Variants in LPCAT2 observed in about 807,000 individuals in gnomAD.
LPCAT2 encodes lysophosphatidylcholine acyltransferase 2.
Under a neutral mutation model 64.7 loss-of-function variants are expected in LPCAT2, and 58 were observed. The observed-to-expected ratio is 0.90, with a 90% CI of 0.73 to 1.12. The LOEUF (loss-of-function observed/expected upper bound fraction) is 1.12. Ranked by LOEUF, LPCAT2 falls within the 50% of genes most tolerant of loss-of-function variation. LPCAT2 has a pLI of 0.00. For synonymous variants in LPCAT2, 252 were observed against 245.3 expected (o/e 1.03, Z -0.26); for missense variants, 579 against 669.8 (o/e 0.86, Z 1.50).
chr16:55,524,168 A>G (rs1188093066), intron 1 of LPCAT2, among the ~76,000 whole-genome samples: 1 of 151,900 alleles, frequency 6.6e-6, no homozygotes, highest in East Asian at 1.9e-4. Flanking sequence ...CCACAATTGG[A>G]AACAACCCAA....
At chr16:55,556,743 G>A (rs1211420449) in intron 11 of LPCAT2, among the ~76,000 whole-genome samples, 3 of 151,930 alleles carry the variant, frequency 2.0e-5, no homozygotes, top group Admixed American at 1.3e-4. Context: ...GCGAGACTCC[G>A]TCTCAAAAAA....
chr16:55,567,826 A>G (rs1963724078), intron 11 of LPCAT2: 1 of 210,184 alleles, frequency 4.8e-6, no homozygotes, highest in Non-Finnish European at 9.6e-6. Context: ...ATAAATTCCA[A>G]GGAGTAGGAA....
At chr16:55,578,928 G>A in intron 12 of LPCAT2, 181 bp from the exon 13 acceptor site, 2 of 611,210 alleles carry the variant, frequency 3.3e-6, no homozygotes, top group East Asian at 2.8e-5. Context: ...TTTTAATCCT[G>A]TCTCTCTCAA....
intron 7 of LPCAT2, among the ~76,000 whole-genome samples, chr16:55,536,741 T>C (rs1224141344): frequency 6.6e-6 from 1 of 152,206 alleles, no homozygotes; most frequent in Non-Finnish European, 1.5e-5. Flanking sequence ...TCTGGGTCAA[T>C]TGTCTAATGA....
At chr16:55,532,615 A>G (rs1963268444) in intron 5 of LPCAT2, 1 of 333,692 alleles carries the variant, frequency 3.0e-6, no homozygotes, top group Non-Finnish European at 5.6e-6. Flanking sequence ...TAGGCACAGC[A>G]TTTAATATTT....
intron 8 of LPCAT2, among the ~76,000 whole-genome samples, chr16:55,544,373 A>G (rs1478274359): frequency 6.6e-6 from 1 of 152,216 alleles, no homozygotes; most frequent in Admixed American, 6.5e-5. Flanking sequence ...CACACAGTAG[A>G]TGTTTAATGG....
At position 55,532,435 on chromosome 16, in the gene LPCAT2, A is replaced by G. The variant is rs140746041; in HGVS notation, c.704-389A>G. The G allele has an allele frequency of 3.7e-5, 6 of 163,958 alleles. No homozygotes were observed. The East Asian group carries it at 1.1e-3, about 29-fold the overall frequency. The allele number at this position is 163,958 out of a possible 1,614,324, so 10.2% of individuals were successfully genotyped here. On this transcript the variant is annotated intron_variant, in intron 5 of 13. Transcript: ENST00000262134. ...AGCAAAGTTATGACTCACTTCTAGC[A>G]AGTGTGGTAGTTCTTGCTTCAAGCA...
At chr16:55,522,890 C>T (rs1963117445) in intron 1 of LPCAT2, among the ~76,000 whole-genome samples, 1 of 150,980 alleles carries the variant, frequency 6.6e-6, no homozygotes, top group African/African-American at 2.4e-5. Flanking sequence ...ATCTTCAAGA[C>T]CTTGAGGTAA....
chr16:55,514,908 G>GTGTA (rs1211786605), intron 1 of LPCAT2, among the ~76,000 whole-genome samples: 3 of 151,522 alleles, frequency 2.0e-5, no homozygotes, highest in Non-Finnish European at 4.4e-5. Context: ...GTGTGTGTGT[G>GTGTA]TGTGTGTGTG....
At chr16:55,571,040 ATT>A (rs1963764439) in intron 11 of LPCAT2, among the ~76,000 whole-genome samples, 1 of 152,220 alleles carries the variant, frequency 6.6e-6, no homozygotes, top group Non-Finnish European at 1.5e-5. Context: ...GGGATGATAT[ATT>A]TCAGTTATAA....
chr16:55,564,871 C>T (rs1329623386), intron 11 of LPCAT2, among the ~76,000 whole-genome samples: 2 of 151,800 alleles, frequency 1.3e-5, no homozygotes, highest in African/African-American at 4.8e-5. Flanking sequence ...AACTTTTGTG[C>T]ATCAAAGGAC....
At chr16:55,564,227 T>C (rs1280894878) in intron 11 of LPCAT2, among the ~76,000 whole-genome samples, 1 of 151,990 alleles carries the variant, frequency 6.6e-6, no homozygotes, top group East Asian at 1.9e-4. Context: ...TGGAAAGATA[T>C]TCCATGTTTA....
intron 9 of LPCAT2, among the ~76,000 whole-genome samples, chr16:55,547,531 G>A (rs1451584504): frequency 6.6e-6 from 1 of 152,168 alleles, no homozygotes; most frequent in South Asian, 2.1e-4. Context: ...AAGTAAGAAA[G>A]CTGACTTGGG....
In LPCAT2 at chr16:55,585,884, A is replaced by G. The variant is rs1259347635; in HGVS notation, c.*2786A>G. On this transcript the variant is annotated 3_prime_UTR_variant, in exon 14 of 14. Coordinates refer to ENST00000262134, the MANE Select transcript of LPCAT2 (RefSeq NM_017839.5). Reference sequence around the variant, plus strand: ...CCCCTTCAGACTATTACCGAATGCAAGGTGGTTAATTGAAGGCCACTAATT... The same window carrying G: ...CCCCTTCAGACTATTACCGAATGCAGGGTGGTTAATTGAAGGCCACTAATT... 6.6e-6 allele frequency: 1 copy of G among 152,196 alleles called. No individual in the cohort carries two copies. Among genetic ancestry groups the G allele is most frequent in the African/African-American group, 2.4e-5 (1 of 41,472 alleles). 9.4% of individuals were successfully genotyped at this position (152,196 alleles called of 1,614,324 possible). A position where few individuals can be genotyped will look rare whatever the true frequency, so the allele number is the denominator to read the frequency against.
At chr16:55,524,981 TTTCTTC>T (rs766060078) in intron 1 of LPCAT2, among the ~76,000 whole-genome samples, 4 of 152,068 alleles carry the variant, frequency 2.6e-5, no homozygotes, top group Non-Finnish European at 4.4e-5. Context: ...TTACTTTTCA[TTTCTTC>T]TTCTTATTTA....
At position 55,531,894 on chromosome 16, in the gene LPCAT2, T is replaced by C; in HGVS notation, c.643-20T>C. On this transcript the variant is annotated intron_variant, in intron 4 of 13. Coordinates refer to ENST00000262134, the MANE Select transcript of LPCAT2 (RefSeq NM_017839.5). ...TTATTAATTAGATTGAAATATTAAA[T>C]CTATTCCTTTTTTCCCAAGATACTA... 1 of 1,459,548 alleles carries C rather than the reference T, an allele frequency of 6.9e-7. No individual in the cohort carries two copies. The highest frequency in any genetic ancestry group is 9.6e-7 in the Non-Finnish European group (1 of 1,041,530). 90.4% of individuals were successfully genotyped at this position (1,459,548 alleles called of 1,614,324 possible).
chr16:55,582,847 A>G, intron 13 of LPCAT2, 67 bp from the exon 14 acceptor site: 1 of 1,014,228 alleles, frequency 9.9e-7, no homozygotes, highest in Non-Finnish European at 1.5e-6. Flanking sequence ...AGAGTCATTT[A>G]TTAATCTGCA....
At chr16:55,537,828 G>A (rs1030834494) in intron 8 of LPCAT2, among the ~76,000 whole-genome samples, 196 bp downstream of exon 8, 4 of 152,212 alleles carry the variant, frequency 2.6e-5, no homozygotes, top group Non-Finnish European at 5.9e-5. Flanking sequence ...CTTGAAACAT[G>A]TAACCACCCT....
At chr16:55,555,542 G>A (rs1427713623) in intron 11 of LPCAT2, among the ~76,000 whole-genome samples, 3 of 152,204 alleles carry the variant, frequency 2.0e-5, no homozygotes, top group African/African-American at 7.2e-5. Context: ...AGAAAACATG[G>A]TTTGATGACC....
Sources: allele counts gnomAD v4.1 joint callset (sites outside exome capture counted in the v4.1 genomes callset), GRCh38; gene constraint gnomAD v4.1.1; transcripts MANE v1.5; gene names NCBI Gene and HGNC (gene_info 2026-07-23, HGNC 2026-07-21).